MYO1B: variants seen among roughly 807,000 people sequenced by gnomAD.
The protein encoded by MYO1B is myosin IB, also known as unconventional myosin-Ib.
Under a neutral mutation model 159.7 loss-of-function variants are expected in MYO1B, and 72 were observed. The ratio of observed to expected loss-of-function variants is 0.45; its 90% CI spans 0.37 to 0.55. The LOEUF is 0.55. Among genes scored for constraint, MYO1B ranks in the 20% least tolerant of loss-of-function variants. The probability of loss-of-function intolerance (pLI) is 0.00; values close to 1 mark genes in which losing one functional copy is unlikely to be tolerated. For missense variants in MYO1B, 1,062 were observed against 1,364.8 expected (o/e 0.78, Z 3.50); for synonymous variants, 468 against 473.8 (o/e 0.99, Z 0.16).
intron 3 of MYO1B, among the ~76,000 whole-genome samples, chr2:191,324,156 G>A (rs539605636): frequency 6.6e-6 from 1 of 152,032 alleles, no homozygotes; most frequent in African/African-American, 2.4e-5. Flanking sequence ...TGTCATTCCT[G>A]TAGGCACATA....
intron 24 of MYO1B, among the ~76,000 whole-genome samples, chr2:191,403,948 C>A (rs1234500591): frequency 6.6e-6 from 1 of 152,070 alleles, no homozygotes; most frequent in Non-Finnish European, 1.5e-5. Flanking sequence ...AAAGCAAATT[C>A]AGTTTGTAGG....
At chr2:191,299,797 A>G (rs1689199661) in intron 3 of MYO1B, among the ~76,000 whole-genome samples, 1 of 152,226 alleles carries the variant, frequency 6.6e-6, no homozygotes, top group Admixed American at 6.5e-5. Flanking sequence ...ATTCAGTGGG[A>G]AAAGAATTAT....
intron 26 of MYO1B, 146 bp from the exon 27 acceptor site, chr2:191,410,920 G>GA (rs1220701225): frequency 1.8e-6 from 1 of 547,200 alleles, no homozygotes; most frequent in Non-Finnish European, 3.2e-6. Flanking sequence ...ACCCACAAGG[G>GA]AAAAATGTTT....
intron 15 of MYO1B, among the ~76,000 whole-genome samples, chr2:191,384,554 T>C (rs979555128): frequency 6.6e-6 from 1 of 152,212 alleles, no homozygotes; most frequent in African/African-American, 2.4e-5. Context: ...TGAACAATAT[T>C]GAATGGGAAC....
At chr2:191,375,557 G>A (rs1694653237) in intron 13 of MYO1B, among the ~76,000 whole-genome samples, 1 of 152,068 alleles carries the variant, frequency 6.6e-6, no homozygotes, top group Non-Finnish European at 1.5e-5. Context: ...GAATCCCAGA[G>A]CCGGGCACTC....
chr2:191,400,434 T>G lies in MYO1B; in HGVS notation c.2348T>G (p.Val783Gly). The G allele has an allele frequency of 6.2e-7, 1 of 1,614,134 alleles. No individual in the cohort carries two copies. Among genetic ancestry groups the G allele is most frequent in the Non-Finnish European group, 8.5e-7 (1 of 1,180,026 alleles). ...LKHQKRCKEA[V>G]TTIAAYWHGT... Reference sequence around the variant, plus strand: ...CATCAAAAGCGCTGTAAGGAAGCAGTCACGACCATTGCTGCATATTGGCAT... The same window carrying G: ...CATCAAAAGCGCTGTAAGGAAGCAGGCACGACCATTGCTGCATATTGGCAT... The change falls in exon 22 of 31, where the codon GTC becomes GGC. Residue 783 changes from valine (V) to glycine (G), a missense_variant. Val to Gly is a moderately radical substitution (Grantham distance 109). This residue lies in a region of MYO1B where 609 missense variants were observed against 744.4 expected (regional missense o/e 0.82). Transcript: ENST00000392318.
At chr2:191,394,610 G>C (rs866740691) in intron 20 of MYO1B, among the ~76,000 whole-genome samples, 179 of 152,292 alleles carry the variant, frequency 1.2e-3, no homozygotes, top group African/African-American at 4.1e-3. Context: ...GTAAGTGCTA[G>C]GAAGGAAATA....
chr2:191,400,445 G>A lies in MYO1B; in HGVS notation c.2359G>A (p.Ala787Thr). Reference sequence around the variant, plus strand: ...CTGTAAGGAAGCAGTCACGACCATTGCTGCATATTGGCATGGGACCCAGGT... The same window carrying A: ...CTGTAAGGAAGCAGTCACGACCATTACTGCATATTGGCATGGGACCCAGGT... ...KRCKEAVTTI[A>T]AYWHGTQARR... Residue 787 changes from alanine (A) to threonine (T), a missense_variant, in exon 22 of 31, where the codon GCT becomes ACT. This residue lies in a region of MYO1B where 609 missense variants were observed against 744.4 expected (regional missense o/e 0.82). Coordinates refer to ENST00000392318, the MANE Select transcript of MYO1B (RefSeq NM_001130158.3). The A allele has an allele frequency of 6.2e-7, 1 of 1,614,104 alleles. No individual in the cohort carries two copies.
At chr2:191,326,770 A>ATATGTGTGTG (rs1175505917) in intron 3 of MYO1B, among the ~76,000 whole-genome samples, 12 of 137,150 alleles carry the variant, frequency 8.7e-5, no homozygotes, top group African/African-American at 3.3e-4. Context: ...GTTTGTATAT[A>ATATGTGTGTG]TGTGTGTGTG....
rs1021462175 is a variant in MYO1B, at chr2:191,262,449, A to C, written c.-9-14438A>C. Among the ~76,000 whole-genome samples the C allele has an allele frequency of 2.0e-5, 3 of 152,144 alleles. No homozygotes were observed. In the South Asian group the frequency reaches 6.2e-4, roughly 31 times the overall value. On this transcript the variant is annotated intron_variant, in intron 1 of 30. Transcript: ENST00000392318. Reference sequence around the variant, plus strand: ...AAATTTGTTGTCTCTATTGTGCTCAAAATCATTTTGGTGGCTCCCTGTCAT... The same window carrying C: ...AAATTTGTTGTCTCTATTGTGCTCACAATCATTTTGGTGGCTCCCTGTCAT...
chr2:191,311,611 G>A (rs1000154955), intron 3 of MYO1B, among the ~76,000 whole-genome samples: 2 of 152,104 alleles, frequency 1.3e-5, no homozygotes, highest in Non-Finnish European at 2.9e-5. Flanking sequence ...TGGTTTGGCC[G>A]TTATTAATAG....
intron 1 of MYO1B, among the ~76,000 whole-genome samples, chr2:191,261,846 G>T (rs950532874): frequency 6.6e-6 from 1 of 152,014 alleles, no homozygotes; most frequent in African/African-American, 2.4e-5. Flanking sequence ...CAAAGAAAAG[G>T]CTCCAGCACT....
intron 1 of MYO1B, among the ~76,000 whole-genome samples, chr2:191,258,646 G>A (rs962360278): frequency 3.9e-5 from 6 of 152,152 alleles, no homozygotes; most frequent in African/African-American, 9.7e-5. Context: ...GTAGGGCAGC[G>A]GTTATAGCTG....
chr2:191,252,913 A>G (rs985752799), intron 1 of MYO1B, among the ~76,000 whole-genome samples: 1 of 152,150 alleles, frequency 6.6e-6, no homozygotes. Flanking sequence ...TCCTCCTGTC[A>G]GTCACTATGT....
At chr2:191,415,804 C>T (rs1697527584) in intron 29 of MYO1B, among the ~76,000 whole-genome samples, 2 of 152,096 alleles carry the variant, frequency 1.3e-5, no homozygotes, top group Non-Finnish European at 2.9e-5. Context: ...CTGGAGGTTG[C>T]GTTGTGGTTT....
chr2:191,392,373 G>A (rs1024907817), intron 19 of MYO1B, among the ~76,000 whole-genome samples, 172 bp downstream of exon 19: 2 of 152,156 alleles, frequency 1.3e-5, no homozygotes, highest in African/African-American at 4.8e-5. Flanking sequence ...GGTAAGGGGC[G>A]GTAGAAGAAT....
At chr2:191,360,913 A>G (rs1224698953) in intron 8 of MYO1B, among the ~76,000 whole-genome samples, 184 bp downstream of exon 8, 1 of 152,126 alleles carries the variant, frequency 6.6e-6, no homozygotes, top group Non-Finnish European at 1.5e-5. Flanking sequence ...AATTGTTTCT[A>G]TGTTTTAATT....
chr2:191,396,587 G>A, intron 21 of MYO1B, 90 bp downstream of exon 21: 3 of 1,240,528 alleles, frequency 2.4e-6, no homozygotes, highest in Non-Finnish European at 3.5e-6. Context: ...GCAGAGGAGG[G>A]GCTCCTCTGT....
chr2:191,271,714 A>G (rs1687466779), intron 1 of MYO1B, among the ~76,000 whole-genome samples: 1 of 152,222 alleles, frequency 6.6e-6, no homozygotes, highest in Admixed American at 6.5e-5. Flanking sequence ...GATAAGATGA[A>G]TTTTATTTTA....
Sources: allele counts gnomAD v4.1 joint callset (sites outside exome capture counted in the v4.1 genomes callset), GRCh38; gene constraint gnomAD v4.1.1; regional missense constraint gnomAD v4.1.1; transcripts MANE v1.5; gene names NCBI Gene and HGNC (gene_info 2026-07-23, HGNC 2026-07-21).